The following SCMH1 variants were observed in gnomAD, a reference collection of about 807,000 sequenced individuals.
SCMH1 encodes polycomb protein SCMH1.
In SCMH1, 37 loss-of-function variants were observed where a neutral mutation model predicts 70.8. The observed-to-expected ratio is 0.52, with a 90% CI of 0.40 to 0.69. The LOEUF is 0.69. SCMH1 is among the 30% of genes least tolerant of loss of function. The probability of loss-of-function intolerance (pLI) is 0.00; values close to 1 mark genes in which losing one functional copy is unlikely to be tolerated. For missense variants in SCMH1, 607 were observed against 827.3 expected (o/e 0.73, Z 3.27); for synonymous variants, 292 against 307.4 (o/e 0.95, Z 0.52).
intron 1 of SCMH1, among the ~76,000 whole-genome samples, chr1:41,239,499 T>G (rs1663067878): frequency 6.6e-6 from 1 of 152,224 alleles, no homozygotes; most frequent in Non-Finnish European, 1.5e-5. Context: ...CATCTTTTAT[T>G]CTGAGATAAT....
At position 41,030,593 on chromosome 1, in the gene SCMH1, C is replaced by T. The variant is rs531304281; in HGVS notation, c.1679-1867G>A. Among the ~76,000 whole-genome samples, 5 of 152,272 alleles carry T rather than the reference C, an allele frequency of 3.3e-5. No homozygotes were observed. The East Asian group carries it at 9.6e-4, about 29-fold the overall frequency. ...TCAAATATTGATTCCACAGAGAGGC[C>T]TTCCCTGATCTCCTAGTAAAAATGC... On this transcript the variant is annotated intron_variant, in intron 13 of 14. Coordinates refer to ENST00000337495, the Ensembl canonical transcript of SCMH1.
At chr1:41,169,457 G>GT (rs1646641457) in intron 2 of SCMH1, among the ~76,000 whole-genome samples, 1 of 152,098 alleles carries the variant, frequency 6.6e-6, no homozygotes, top group African/African-American at 2.4e-5. Flanking sequence ...GAAGGTATTT[G>GT]TATACCTATT....
At chr1:41,182,798 G>T (rs1232834795) in intron 2 of SCMH1, among the ~76,000 whole-genome samples, 1 of 152,042 alleles carries the variant, frequency 6.6e-6, no homozygotes, top group African/African-American at 2.4e-5. Flanking sequence ...ACTGAAACAT[G>T]GAAAGCAGCA....
rs12723538 is a variant in SCMH1, at chr1:41,102,980, G to C, written c.745+10303C>G. 3.3e-5 allele frequency among the ~76,000 whole-genome samples: 5 copies of C among 151,674 alleles called. No homozygotes were observed. The East Asian group carries it at 5.8e-4, about 18-fold the overall frequency. The stretch of plus-strand genomic sequence containing the variant: ...AGAACCTCCTCTTTTTTCTTTGCTT[G>C]GTTTGAGTTTGCCAGGTTTTTCTCA... On this transcript the variant is annotated intron_variant, in intron 8 of 14. Coordinates refer to ENST00000337495, the Ensembl canonical transcript of SCMH1.
In SCMH1 at chr1:41,128,634, G is replaced by A. The variant is rs536334355; in HGVS notation, c.413-11624C>T. Among the ~76,000 whole-genome samples the A allele has an allele frequency of 4.6e-5, 7 of 152,086 alleles. No individual in the cohort carries two copies. In the South Asian group the frequency reaches 1.5e-3, roughly 32 times the overall value. ...ATTTGATGATGATGTGCCTTGTGTGGTTTATTTCATATTTCTCCTGCTTGG... is the reference window on the plus strand; with the variant it reads ...ATTTGATGATGATGTGCCTTGTGTGATTTATTTCATATTTCTCCTGCTTGG... On this transcript the variant is annotated intron_variant, in intron 6 of 14. Coordinates refer to ENST00000337495, the Ensembl canonical transcript of SCMH1.
intron 12 of SCMH1, among the ~76,000 whole-genome samples, chr1:41,039,994 A>G (rs1645902028): frequency 6.6e-6 from 1 of 152,132 alleles, no homozygotes; most frequent in Non-Finnish European, 1.5e-5. Flanking sequence ...GGTAAAACAA[A>G]ACAAACTTTG....
At chr1:41,142,720 T>C (rs1278823755) in intron 6 of SCMH1, among the ~76,000 whole-genome samples, 158 bp downstream of exon 6, 1 of 152,218 alleles carries the variant, frequency 6.6e-6, no homozygotes, top group East Asian at 1.9e-4. Flanking sequence ...GATGTCCAAA[T>C]TGTGCAGCTT....
At chr1:41,210,024 C>T (rs570618166) in intron 1 of SCMH1, among the ~76,000 whole-genome samples, 6 of 152,294 alleles carry the variant, frequency 3.9e-5, no homozygotes, top group East Asian at 1.9e-4. Context: ...TCTCAGGATA[C>T]AAAATCAATG....
intron 1 of SCMH1, among the ~76,000 whole-genome samples, chr1:41,201,828 G>T (rs1022870803): frequency 2.6e-5 from 4 of 152,132 alleles, no homozygotes; most frequent in African/African-American, 9.7e-5. Flanking sequence ...AATGTAAAAA[G>T]AATATAGAAC....
intron 1 of SCMH1, among the ~76,000 whole-genome samples, chr1:41,241,737 GC>G (rs1332647155): frequency 1.3e-5 from 2 of 151,844 alleles, no homozygotes; most frequent in Non-Finnish European, 1.5e-5. Flanking sequence ...CCTCCAAAGG[GC>G]CCCCGGCCTT....
chr1:41,101,227 A>C (rs1276290406), intron 8 of SCMH1, among the ~76,000 whole-genome samples: 3 of 152,246 alleles, frequency 2.0e-5, no homozygotes, highest in Non-Finnish European at 4.4e-5. Context: ...ATTTTTAGAC[A>C]TTTGTGCTAT....
chr1:41,145,751 G>T (rs1397347639), intron 5 of SCMH1, among the ~76,000 whole-genome samples: 4 of 152,096 alleles, frequency 2.6e-5, no homozygotes, highest in African/African-American at 9.7e-5. Context: ...GACTACAATG[G>T]AGCTAAAAAA....
rs756402745 is a variant in SCMH1, at chr1:41,114,653, G to C, written c.502-1127C>G. 1.1e-3 allele frequency among the ~76,000 whole-genome samples: 129 copies of C among 118,022 alleles called. 2 individuals are homozygous for C. Among genetic ancestry groups the C allele is most frequent in the Admixed American group, 4.4e-3 (52 of 11,734 alleles). 77.4% of individuals were successfully genotyped at this position (118,022 alleles called of 152,430 possible). On this transcript the variant is annotated intron_variant, in intron 7 of 14. Transcript: ENST00000337495. ...CATGATAGTCTTTTCCACTTGTTAA[G>C]ATTTCCTTTCTCTCTCTCTCTCTCT...
intron 12 of SCMH1, chr1:41,041,603 G>C (rs1646181754): frequency 6.6e-6 from 1 of 152,216 alleles, no homozygotes. Context: ...GTGCTTCAGT[G>C]AATTATGAGC....
intron 8 of SCMH1, among the ~76,000 whole-genome samples, chr1:41,076,642 G>C (rs2148914561): frequency 1.3e-5 from 2 of 152,334 alleles, no homozygotes; most frequent in Middle Eastern, 6.8e-3. Context: ...TTGAGGAGAT[G>C]ACATTTACAC....
At chr1:41,139,550 A>G (rs1643865733) in intron 6 of SCMH1, among the ~76,000 whole-genome samples, 2 of 152,186 alleles carry the variant, frequency 1.3e-5, no homozygotes, top group African/African-American at 4.8e-5. Flanking sequence ...ATTTTTTAAT[A>G]GCCTCTCAAA....
At chr1:41,198,061 G>A (rs1653450223) in intron 1 of SCMH1, among the ~76,000 whole-genome samples, 1 of 152,212 alleles carries the variant, frequency 6.6e-6, no homozygotes, top group South Asian at 2.1e-4. Flanking sequence ...TCTTTAAAAT[G>A]GAAGTAATAG....
intron 1 of SCMH1, among the ~76,000 whole-genome samples, chr1:41,219,463 G>C (rs991057438): frequency 6.6e-6 from 1 of 152,132 alleles, no homozygotes; most frequent in Non-Finnish European, 1.5e-5. Flanking sequence ...GTCTTGTTGG[G>C]GGCCATGCTC....
chr1:41,028,092 C>T (rs1643988746), exon 15 of SCMH1: 1 of 1,468,514 alleles, frequency 6.8e-7, no homozygotes, highest in African/African-American at 1.4e-5. Context: ...CCTGAGGTGG[C>T]CCGGAACCCC....
Sources: allele counts gnomAD v4.1 joint callset (sites outside exome capture counted in the v4.1 genomes callset), GRCh38; gene constraint gnomAD v4.1.1; transcripts MANE v1.5; gene names NCBI Gene and HGNC (gene_info 2026-07-23, HGNC 2026-07-21).